SMAP1: variants seen among roughly 807,000 people sequenced by gnomAD.
SMAP1 encodes stromal membrane-associated protein 1.
In SMAP1, 24 loss-of-function variants were observed where a neutral mutation model predicts 58.5. That is an observed-to-expected ratio of 0.41 (90% CI 0.30 to 0.58). The LOEUF (loss-of-function observed/expected upper bound fraction) is 0.58, where lower values mean the gene tolerates loss of function less well. Among genes scored for constraint, SMAP1 ranks in the 20% least tolerant of loss-of-function variants. The pLI is 0.29. For missense variants in SMAP1, 563 were observed against 566.3 expected (o/e 0.99, Z 0.06); for synonymous variants, 216 against 196.6 (o/e 1.10, Z -0.82).
At chr6:70,685,855 A>C (rs543802901) in intron 1 of SMAP1, among the ~76,000 whole-genome samples, 1 of 152,262 alleles carries the variant, frequency 6.6e-6, no homozygotes, top group South Asian at 2.1e-4. Flanking sequence ...ACTGTAAGGA[A>C]AACCAGAACA....
intron 1 of SMAP1, among the ~76,000 whole-genome samples, chr6:70,703,844 G>GCACCCAACTTACACTTAGGAGATTTCAAC (rs1767735075): frequency 1.3e-5 from 2 of 152,160 alleles, no homozygotes; most frequent in Non-Finnish European, 2.9e-5. Flanking sequence ...AGTTAGGGAG[G>GCACCCAACTTACACTTAGGAGATTTCAAC]CCACTGGGCT....
rs1767372043 is a variant in SMAP1 at position 70,772,491 on chromosome 6, G to A, written c.339-859G>A. 1.3e-5 allele frequency among the ~76,000 whole-genome samples: 2 copies of A among 152,106 alleles called. 1 individual carries two copies. The highest frequency in any genetic ancestry group is 4.8e-5 in the African/African-American group (2 of 41,422). On this transcript the variant is annotated intron_variant, in intron 3 of 10. Coordinates refer to ENST00000370455, the MANE Select transcript of SMAP1 (RefSeq NM_001044305.3). ...CATTGAAAATAATTATCAGAAAGGA[G>A]TCTTCAGGCTTTACCTGAGTACCAG...
At chr6:70,843,360 A>G (rs1379278027) in intron 7 of SMAP1, among the ~76,000 whole-genome samples, 1 of 152,232 alleles carries the variant, frequency 6.6e-6, no homozygotes, top group Non-Finnish European at 1.5e-5. Context: ...TATTTTAATA[A>G]TCAGATACTG....
intron 6 of SMAP1, among the ~76,000 whole-genome samples, chr6:70,810,790 C>T (rs149263959): frequency 2.6e-4 from 39 of 152,206 alleles, no homozygotes; most frequent in African/African-American, 8.7e-4. Context: ...TTGACCAGGC[C>T]GGTCTTGAAC....
At chr6:70,771,828 A>C (rs559536066) in intron 3 of SMAP1, among the ~76,000 whole-genome samples, 1 of 152,132 alleles carries the variant, frequency 6.6e-6, no homozygotes, top group South Asian at 2.1e-4. Flanking sequence ...TGCAGAAATC[A>C]CCCATCTTCT....
At chr6:70,778,703 A>G (rs1767641198) in intron 4 of SMAP1, among the ~76,000 whole-genome samples, 1 of 152,172 alleles carries the variant, frequency 6.6e-6, no homozygotes, top group Non-Finnish European at 1.5e-5. Flanking sequence ...GGAGGATGCT[A>G]ACAACAGTGT....
chr6:70,769,276 G>A (rs949521719), intron 3 of SMAP1, among the ~76,000 whole-genome samples: 4 of 152,190 alleles, frequency 2.6e-5, no homozygotes, highest in South Asian at 2.1e-4. Flanking sequence ...TCCGCTTGGT[G>A]CAGAGCTGAG....
At chr6:70,725,790 A>T (rs1768755649) in intron 1 of SMAP1, among the ~76,000 whole-genome samples, 1 of 152,198 alleles carries the variant, frequency 6.6e-6, no homozygotes, top group African/African-American at 2.4e-5. Flanking sequence ...TCCAATTCTT[A>T]CTTCTTTTTA....
chr6:70,838,768 A>G (rs573467022), intron 7 of SMAP1, among the ~76,000 whole-genome samples: 67 of 152,274 alleles, frequency 4.4e-4, no homozygotes, highest in African/African-American at 1.6e-3. Flanking sequence ...GCTGAGTATA[A>G]CAGGACTTTG....
At chr6:70,732,626 C>A in intron 2 of SMAP1, 115 bp downstream of exon 2, 1 of 834,380 alleles carries the variant, frequency 1.2e-6, no homozygotes, top group South Asian at 4.6e-5. Flanking sequence ...GTTGAAATGG[C>A]ATATGCCACG....
At chr6:70,853,495 G>C (rs1288411408) in intron 8 of SMAP1, among the ~76,000 whole-genome samples, 2 of 152,028 alleles carry the variant, frequency 1.3e-5, no homozygotes, top group African/African-American at 4.8e-5. Context: ...AATTGTTCTG[G>C]TAGACAGTTT....
rs1768137483 is a variant in SMAP1, at chr6:70,713,367, G to C, written c.119-19011G>C. 2.0e-5 allele frequency among the ~76,000 whole-genome samples: 3 copies of C among 151,650 alleles called. 1 individual carries two copies. The South Asian group carries it at 6.3e-4, about 32-fold the overall frequency. On this transcript the variant is annotated intron_variant, in intron 1 of 10. Transcript: ENST00000370455. ...GGTGTATAGTTAGGTTGTTTATTTT[G>C]AGATTTTTTTTAATGCAGACATTTA...
chr6:70,816,084 T>A (rs902404965), intron 6 of SMAP1, among the ~76,000 whole-genome samples: 1 of 152,144 alleles, frequency 6.6e-6, no homozygotes, highest in Non-Finnish European at 1.5e-5. Context: ...TTGAGAGATA[T>A]CATGTTGAGA....
At chr6:70,841,334 A>G (rs993670662) in intron 7 of SMAP1, among the ~76,000 whole-genome samples, 3 of 152,160 alleles carry the variant, frequency 2.0e-5, no homozygotes, top group Non-Finnish European at 4.4e-5. Context: ...GTTCCTTGTC[A>G]GGAGGCGTTA....
chr6:70,714,311 C>T (rs1768176210), intron 1 of SMAP1, among the ~76,000 whole-genome samples: 1 of 151,934 alleles, frequency 6.6e-6, no homozygotes, highest in Non-Finnish European at 1.5e-5. Context: ...TTTTGTCCTC[C>T]TTTTTCTCTC....
chr6:70,822,367 T>C lies in SMAP1; in HGVS notation c.577-14574T>C, dbSNP rs142436009. Among the ~76,000 whole-genome samples, 76 of 152,324 alleles carry C rather than the reference T, an allele frequency of 5.0e-4. 1 individual carries two copies. The East Asian group carries it at 0.014, about 28-fold the overall frequency. On this transcript the variant is annotated intron_variant, in intron 6 of 10. Transcript: ENST00000370455. The stretch of plus-strand genomic sequence containing the variant: ...ATACCATTATTATTCTCCTTTATGA[T>C]GAGAACCTGAGAGACAGAAGTTTGG...
At chr6:70,757,219 T>C (rs1766531824) in intron 3 of SMAP1, among the ~76,000 whole-genome samples, 1 of 148,646 alleles carries the variant, frequency 6.7e-6, no homozygotes, top group Non-Finnish European at 1.5e-5. Context: ...ACGCCGCATA[T>C]CTACAACTAT....
chr6:70,677,196 T>A (rs75854409), intron 1 of SMAP1, among the ~76,000 whole-genome samples: 2 of 148,982 alleles, frequency 1.3e-5, no homozygotes, highest in African/African-American at 4.9e-5. Flanking sequence ...TTTTTTTTTT[T>A]TGCTATATCC....
intron 1 of SMAP1, among the ~76,000 whole-genome samples, chr6:70,729,701 A>C (rs550381491): frequency 6.6e-6 from 1 of 152,188 alleles, no homozygotes; most frequent in African/African-American, 2.4e-5. Flanking sequence ...ATTTTCTATG[A>C]GTAAGCCCTG....
Sources: allele counts gnomAD v4.1 joint callset (sites outside exome capture counted in the v4.1 genomes callset), GRCh38; gene constraint gnomAD v4.1.1; transcripts MANE v1.5; gene names NCBI Gene and HGNC (gene_info 2026-07-23, HGNC 2026-07-21).